Variants in TPTE2 observed in about 807,000 individuals in gnomAD.
TPTE2 encodes phosphatidylinositol 3,4,5-trisphosphate 3-phosphatase TPTE2.
TPTE2 carries 53 observed loss-of-function variants against 78.6 expected under a neutral mutation model. The ratio of observed to expected loss-of-function variants is 0.67; its 90% CI spans 0.54 to 0.85. The LOEUF (loss-of-function observed/expected upper bound fraction) is 0.85. TPTE2 is among the 40% of genes least tolerant of loss of function. The pLI is 0.00. For synonymous variants in TPTE2, 175 were observed against 206.2 expected (o/e 0.85, Z 1.30); for missense variants, 461 against 623.0 (o/e 0.74, Z 2.77).
At chr13:19,489,764 T>C (rs986463890) in intron 3 of TPTE2, among the ~76,000 whole-genome samples, 5 of 5,682 alleles carry the variant, frequency 8.8e-4, no homozygotes, top group African/African-American at 1.1e-3. Flanking sequence ...GTGTGTTATA[T>C]GTGTGTGTGT....
intron 1 of TPTE2, among the ~76,000 whole-genome samples, chr13:19,528,274 C>T: frequency 6.6e-6 from 1 of 151,736 alleles, no homozygotes; most frequent in East Asian, 1.9e-4. Flanking sequence ...GTAATCCCAG[C>T]TACTGAGGAG....
At chr13:19,483,074 A>G (rs1209898083) in intron 3 of TPTE2, among the ~76,000 whole-genome samples, 2 of 152,234 alleles carry the variant, frequency 1.3e-5, no homozygotes, top group East Asian at 3.8e-4. Context: ...TTATTGGTTA[A>G]AAAATGCTAA....
At chr13:19,549,233 G>A in the TPTE2 span, among the ~76,000 whole-genome samples, 1 of 151,948 alleles carries the variant, frequency 6.6e-6, no homozygotes, top group Admixed American at 6.6e-5. Flanking sequence ...CCTACAGAAT[G>A]AGAGAAAATA....
intron 1 of TPTE2, among the ~76,000 whole-genome samples, chr13:19,529,342 G>A (rs977309886): frequency 8.6e-5 from 13 of 152,026 alleles, no homozygotes; most frequent in African/African-American, 3.1e-4. Context: ...AGCCAGGCTG[G>A]TCTCCAACTC....
chr13:19,423,269 A>C, intron 19 of TPTE2, 105 bp from the exon 23 acceptor site: 1 of 798,156 alleles, frequency 1.3e-6, no homozygotes, highest in Non-Finnish European at 1.9e-6. Flanking sequence ...AAACCTCACC[A>C]TGAATAGAAC....
At position 19,535,149 on chromosome 13, in the gene TPTE2, A is replaced by G. The variant is rs548790394; in HGVS notation, c.-44+1447T>C. ...AACCCAGGAGGCGGAGGTTGCAGTG[A>G]GCTGAGATCACAAACTGCACTCTAG... On this transcript the variant is annotated intron_variant, in intron 1 of 17. Coordinates refer to the TPTE2 transcript ENST00000390680. The surrounding 1 kb of genome is among the most constrained non-coding windows in gnomAD (Gnocchi z 5.1). Among the ~76,000 whole-genome samples the G allele has an allele frequency of 6.6e-6, 1 of 152,158 alleles. No homozygotes were observed. Among genetic ancestry groups the G allele is most frequent in the African/African-American group, 2.4e-5 (1 of 41,512 alleles).
At chr13:19,475,110 C>T (rs1879853145) in intron 5 of TPTE2, among the ~76,000 whole-genome samples, 1 of 152,148 alleles carries the variant, frequency 6.6e-6, no homozygotes, top group African/African-American at 2.4e-5. Flanking sequence ...CACATGGCTA[C>T]TTAGCAACTG....
intron 14 of TPTE2, 128 bp downstream of exon 17, chr13:19,437,964 C>T (rs1054772300): frequency 3.4e-5 from 46 of 1,349,810 alleles, no homozygotes; most frequent in Non-Finnish European, 4.4e-5. Flanking sequence ...TTTCTAAAAA[C>T]TGCTTCTCTA....
At chr13:19,438,052 C>G in intron 14 of TPTE2, 40 bp downstream of exon 17, 1 of 1,593,178 alleles carries the variant, frequency 6.3e-7, no homozygotes, top group Non-Finnish European at 8.5e-7. Context: ...CTAGCAAACT[C>G]AATCATCATA....
chr13:19,555,736 A>C, the TPTE2 span, among the ~76,000 whole-genome samples: 1 of 151,728 alleles, frequency 6.6e-6, no homozygotes. Flanking sequence ...CTCCTTCAAG[A>C]ATCTCAAGAA....
chr13:19,491,813 A>C (rs1223304379), intron 3 of TPTE2, among the ~76,000 whole-genome samples: 5 of 152,126 alleles, frequency 3.3e-5, no homozygotes, highest in African/African-American at 1.2e-4. Context: ...CAACAGCGAG[A>C]CTTCATCTCA....
intron 1 of TPTE2, among the ~76,000 whole-genome samples, chr13:19,525,938 A>C (rs1210256495): frequency 1.3e-5 from 2 of 152,170 alleles, no homozygotes; most frequent in East Asian, 3.8e-4. Flanking sequence ...AACATGAAAA[A>C]ATGCTCAACA....
At chr13:19,488,643 A>G (rs940515384) in intron 3 of TPTE2, among the ~76,000 whole-genome samples, 1 of 152,188 alleles carries the variant, frequency 6.6e-6, no homozygotes, top group Non-Finnish European at 1.5e-5. Flanking sequence ...CCCAGGCTTC[A>G]TTGAATCGAA....
chr13:19,465,665 C>T (rs1428156018), intron 7 of TPTE2, 101 bp from the exon 11 acceptor site: 2 of 981,396 alleles, frequency 2.0e-6, no homozygotes, highest in Non-Finnish European at 3.0e-6. Flanking sequence ...GCAATTTTCC[C>T]TCCTCTCCCC....
the TPTE2 span, chr13:19,560,876 C>T: frequency 1.4e-4 from 219 of 1,567,354 alleles, no homozygotes; most frequent in Non-Finnish European, 2.5e-5. Flanking sequence ...ACAGGCCTTG[C>T]GTCTCCGCTT....
At chr13:19,538,943 TG>T (rs1449614060), upstream of TPTE2, among the ~76,000 whole-genome samples, 7 of 152,218 alleles carry the variant, frequency 4.6e-5, no homozygotes, top group Admixed American at 2.0e-4. Context: ...TTATGGAAGC[TG>T]AGATGTCAAG....
chr13:19,530,608 G>A (rs985849700), intron 1 of TPTE2, among the ~76,000 whole-genome samples: 1 of 152,078 alleles, frequency 6.6e-6, no homozygotes, highest in African/African-American at 2.4e-5. Context: ...GCAGTGGCAT[G>A]ATCGCAGATC....
Position 19,486,157 on chromosome 13 carries a change from T to C in TPTE2, c.120-3610A>G, listed in dbSNP as rs995643485. ...ACCTTTTCCAATTTTATGGAGTAGG[T>C]TTACTTGTATGAATTTATTTCTATG... is the stretch of plus-strand genomic sequence containing the variant. On this transcript the variant is annotated intron_variant, in intron 3 of 19. Transcript: ENST00000400230. The surrounding 1 kb of genome is among the most constrained non-coding windows in gnomAD (Gnocchi z 4.3). Among the ~76,000 whole-genome samples the C allele has an allele frequency of 1.3e-5, 2 of 152,266 alleles. No individual in the cohort carries two copies. The highest frequency in any genetic ancestry group is 3.4e-3 in the Middle Eastern group (1 of 294).
At chr13:19,431,637 A>G (rs1208231640) in intron 16 of TPTE2, among the ~76,000 whole-genome samples, 1 of 151,752 alleles carries the variant, frequency 6.6e-6, no homozygotes, top group Non-Finnish European at 1.5e-5. Flanking sequence ...ATTAGAAATC[A>G]CAGTTTCTTG....
Sources: allele counts gnomAD v4.1 joint callset (sites outside exome capture counted in the v4.1 genomes callset), GRCh38; gene constraint gnomAD v4.1.1; non-coding constraint Gnocchi (gnomAD v3.1); transcripts MANE v1.5; gene names NCBI Gene and HGNC (gene_info 2026-07-23, HGNC 2026-07-21).